Variants in RSPH3 observed in about 807,000 individuals in gnomAD.
The protein encoded by RSPH3 is radial spoke head 3.
Under a neutral mutation model 43.8 loss-of-function variants are expected in RSPH3, and 21 were observed. The ratio of observed to expected loss-of-function variants is 0.48; its 90% confidence interval spans 0.34 to 0.69. The LOEUF (loss-of-function observed/expected upper bound fraction) is 0.69, where lower values mean the gene tolerates loss of function less well. Among genes scored for constraint, RSPH3 ranks in the 30% least tolerant of loss-of-function variants. The pLI is 0.01. For synonymous variants in RSPH3, 173 were observed against 179.8 expected, an observed-to-expected ratio of 0.96 and a Z score of 0.30; for missense variants, 487 against 516.0, an observed-to-expected ratio of 0.94 and a Z score of 0.54.
Position 158,989,528 on chromosome 6 carries a change from T to C in RSPH3, c.205-3107A>G, listed in dbSNP as rs554970436. Among the ~76,000 whole-genome samples, 1 of 152,288 alleles carries C rather than the reference T, an allele frequency of 6.6e-6. No individual in the cohort carries two copies. The highest frequency in any genetic ancestry group is 2.1e-4 in the South Asian group (1 of 4,824). On this transcript the variant is annotated intron_variant, in intron 2 of 7. Coordinates refer to ENST00000367069, the MANE Select transcript of RSPH3 (RefSeq NM_031924.8). This position sits in a 1 kb window ranked among gnomAD's most constrained non-coding sequence, Gnocchi z 4.3. ...TTGTGCCCAGGGGACCGGTACAATG[T>C]TATCTCCTACAATGTGGTGCTGCTG...
intron 2 of RSPH3, among the ~76,000 whole-genome samples, chr6:158,992,140 A>G (rs1778431550): frequency 6.6e-6 from 1 of 150,920 alleles, no homozygotes; most frequent in Non-Finnish European, 1.5e-5. Context: ...ACATTCAACA[A>G]CATTCTCTCT....
At chr6:158,987,950 T>C (rs1316641592) in intron 2 of RSPH3, among the ~76,000 whole-genome samples, 1 of 152,236 alleles carries the variant, frequency 6.6e-6, no homozygotes, top group Non-Finnish European at 1.5e-5. Context: ...GTACTTAATT[T>C]AACCAGTAAG....
chr6:158,981,159 T>C (rs1208700845), intron 5 of RSPH3, among the ~76,000 whole-genome samples: 3 of 151,930 alleles, frequency 2.0e-5, no homozygotes, highest in Non-Finnish European at 4.4e-5. Context: ...GTAAAACATG[T>C]CACTATTCAA....
At chr6:158,980,574 A>G (rs1410169462) in intron 6 of RSPH3, among the ~76,000 whole-genome samples, 200 bp downstream of exon 6, 3 of 152,238 alleles carry the variant, frequency 2.0e-5, no homozygotes, top group Admixed American at 6.5e-5. Flanking sequence ...TTCTCAATAA[A>G]CAAATACTAA....
At chr6:158,965,958 T>C in the RSPH3 span, among the ~76,000 whole-genome samples, 26 of 152,310 alleles carry the variant, frequency 1.7e-4, no homozygotes, top group Non-Finnish European at 3.2e-4. Flanking sequence ...GTTTTTAATA[T>C]GAAAGTGTGT....
At chr6:158,995,720 G>A (rs375224905) in intron 1 of RSPH3, among the ~76,000 whole-genome samples, 3 of 151,780 alleles carry the variant, frequency 2.0e-5, no homozygotes, top group Non-Finnish European at 4.4e-5. Flanking sequence ...TCAGCCTCCC[G>A]AGTAGCTGGG....
rs1381228733 is a variant in RSPH3, at chr6:158,973,289, A to G, written c.*4249T>C. On this transcript the variant is annotated 3_prime_UTR_variant, in exon 8 of 8. Coordinates refer to ENST00000367069, the MANE Select transcript of RSPH3 (RefSeq NM_031924.8). ...AAATTTTCCATAGCAGGTAAAGCAT[A>G]GAAAAAAAATCTAGCTGATATAGTT... 6.6e-6 allele frequency: 1 copy of G among 152,222 alleles called. No individual in the cohort carries two copies. The highest frequency in any genetic ancestry group is 1.5e-5 in the Non-Finnish European group (1 of 68,042). 9.4% of individuals were successfully genotyped at this position (152,222 alleles called of 1,614,324 possible). A position where few individuals can be genotyped will look rare whatever the true frequency, so the allele number is the denominator to read the frequency against.
chr6:158,968,407 C>T (rs1266114474), downstream of RSPH3, among the ~76,000 whole-genome samples: 1 of 151,626 alleles, frequency 6.6e-6, no homozygotes, highest in East Asian at 2.0e-4. Context: ...GCTAATTTTG[C>T]GTATTTTTAA....
At position 158,999,527 on chromosome 6, in the gene RSPH3, G is replaced by C; in HGVS notation, c.24C>G (p.Arg8=). The change falls in exon 1 of 8, where the codon CGC becomes CGG. Residue 8 remains arginine, a synonymous_variant. Transcript: ENST00000367069. ...TGTAGGTGCTCGGGGCCCGAGAGGT[G>C]CGATCAGTCAGCGCTGAGGCCATGT... MASALTD[R]TSRAPSTYTY... 6.5e-7 allele frequency: 1 copy of C among 1,545,424 alleles called. No individual in the cohort carries two copies. Among genetic ancestry groups the C allele is most frequent in the Non-Finnish European group, 8.8e-7 (1 of 1,138,684 alleles).
At chr6:158,967,088 T>C in the RSPH3 span, among the ~76,000 whole-genome samples, 1 of 152,020 alleles carries the variant, frequency 6.6e-6, no homozygotes, top group African/African-American at 2.4e-5. Context: ...TGCATCACTG[T>C]AGCCTTGAAC....
At chr6:158,971,765 C>T (rs1218503306), downstream of RSPH3, among the ~76,000 whole-genome samples, 6 of 152,222 alleles carry the variant, frequency 3.9e-5, no homozygotes, top group Admixed American at 6.5e-5. Flanking sequence ...TTTTTCTCTC[C>T]GATGTCCTGG....
intron 1 of RSPH3, among the ~76,000 whole-genome samples, chr6:158,997,403 C>G (rs562109633): frequency 6.6e-6 from 1 of 151,968 alleles, no homozygotes; most frequent in East Asian, 1.9e-4. Flanking sequence ...TCCCAAGTAC[C>G]TGGGATTACA....
At chr6:158,987,527 G>A (rs1330590351) in intron 2 of RSPH3, among the ~76,000 whole-genome samples, 3 of 152,014 alleles carry the variant, frequency 2.0e-5, no homozygotes, top group Non-Finnish European at 4.4e-5. Flanking sequence ...TGGTTGTTTT[G>A]TATCTCCTTC....
At chr6:158,983,415 C>G (rs1778104193) in intron 4 of RSPH3, among the ~76,000 whole-genome samples, 1 of 152,026 alleles carries the variant, frequency 6.6e-6, no homozygotes, top group Non-Finnish European at 1.5e-5. Context: ...AAACAAAAAT[C>G]AAATGTGGAA....
At chr6:158,999,362 G>C in intron 1 of RSPH3, 73 bp downstream of exon 1, 1 of 1,375,218 alleles carries the variant, frequency 7.3e-7, no homozygotes, top group Non-Finnish European at 9.6e-7. Flanking sequence ...TTTTGCCAGG[G>C]CGAAGGGGCC....
At chr6:158,995,148 T>C (rs1669483825) in intron 1 of RSPH3, among the ~76,000 whole-genome samples, 1 of 152,156 alleles carries the variant, frequency 6.6e-6, no homozygotes, top group Admixed American at 6.5e-5. Context: ...TTATAATCCA[T>C]ATACCCAAAA....
At position 158,976,544 on chromosome 6, in the gene RSPH3, T is replaced by C. The variant is rs966111250; in HGVS notation, c.*994A>G. 2.6e-5 allele frequency: 4 copies of C among 152,194 alleles called. No homozygotes were observed. The highest frequency in any genetic ancestry group is 6.5e-5 in the Admixed American group (1 of 15,282). 9.4% of individuals were successfully genotyped at this position (152,194 alleles called of 1,614,324 possible). On this transcript the variant is annotated 3_prime_UTR_variant, in exon 8 of 8. Coordinates refer to ENST00000367069, the MANE Select transcript of RSPH3 (RefSeq NM_031924.8). Reference sequence around the variant, plus strand: ...ATTTCTAGATTTTCAAATACATTTGTATAGGAATACCTCAAAAAAGGCCTA... The same window carrying C: ...ATTTCTAGATTTTCAAATACATTTGCATAGGAATACCTCAAAAAAGGCCTA...
At chr6:158,981,597 A>G (rs1778032221) in intron 5 of RSPH3, among the ~76,000 whole-genome samples, 1 of 152,222 alleles carries the variant, frequency 6.6e-6, no homozygotes. Context: ...ACTCATTTCA[A>G]CAAAGTTTAT....
In RSPH3 at chr6:158,975,349, T is replaced by C. The variant is rs920672014; in HGVS notation, c.*2189A>G. 1 of 152,216 alleles carries C rather than the reference T, an allele frequency of 6.6e-6. No homozygotes were observed. Among genetic ancestry groups the C allele is most frequent in the African/African-American group, 2.4e-5 (1 of 41,462 alleles). The allele number at this position is 152,216 out of a possible 1,614,324, so 9.4% of individuals were successfully genotyped here. On this transcript the variant is annotated 3_prime_UTR_variant, in exon 8 of 8. Transcript: ENST00000367069. ...ATTCCAATTTTTAAAATGCTATTAG[T>C]GCAATAATTTATTTTAAATTATTCT...
Sources: allele counts gnomAD v4.1 joint callset (sites outside exome capture counted in the v4.1 genomes callset), GRCh38; gene constraint gnomAD v4.1.1; non-coding constraint Gnocchi (gnomAD v3.1); transcripts MANE v1.5; gene names NCBI Gene and HGNC (gene_info 2026-07-23, HGNC 2026-07-21).